The following GMDS variants were observed in gnomAD, a reference collection of about 807,000 sequenced individuals.
GMDS encodes GDP-mannose 4,6-dehydratase, also known as GDP-mannose 4,6 dehydratase.
A neutral mutation model predicts 49.9 loss-of-function variants in GMDS; 20 were observed. The ratio of observed to expected loss-of-function variants is 0.40; its 90% confidence interval spans 0.28 to 0.58. The LOEUF is 0.58. Ranked by LOEUF, GMDS falls within the 20% of genes least tolerant of loss-of-function variation. The pLI, the probability that GMDS is intolerant of heterozygous loss-of-function variation, is 0.42. For missense variants in GMDS, 362 were observed against 481.4 expected, an observed-to-expected ratio of 0.75 and a Z score of 2.32; for synonymous variants, 177 against 178.6, an observed-to-expected ratio of 0.99 and a Z score of 0.07.
intron 4 of GMDS, among the ~76,000 whole-genome samples, chr6:2,100,188 G>T (rs1409416878): frequency 6.6e-6 from 1 of 151,998 alleles, no homozygotes; most frequent in African/African-American, 2.4e-5. Context: ...TTAGAATTTA[G>T]AAGGTTTTAT....
intron 1 of GMDS, among the ~76,000 whole-genome samples, chr6:2,243,543 G>A (rs1394081320): frequency 1.3e-5 from 2 of 152,132 alleles, no homozygotes; most frequent in Non-Finnish European, 1.5e-5. Context: ...ATGGAAAAAA[G>A]GGAATCATCT....
chr6:1,793,945 G>A (rs1216802031), intron 7 of GMDS, among the ~76,000 whole-genome samples: 1 of 152,202 alleles, frequency 6.6e-6, no homozygotes, highest in Non-Finnish European at 1.5e-5. Context: ...AATAATGGTA[G>A]AAGTGGAATG....
At chr6:2,138,775 T>C (rs1776135993) in intron 1 of GMDS, among the ~76,000 whole-genome samples, 1 of 152,240 alleles carries the variant, frequency 6.6e-6, no homozygotes, top group African/African-American at 2.4e-5. Context: ...CAATTCTTCA[T>C]TGACCTTTGA....
chr6:1,949,630 T>C (rs138729907), intron 6 of GMDS, among the ~76,000 whole-genome samples: 86 of 152,276 alleles, frequency 5.6e-4, no homozygotes, highest in Non-Finnish European at 9.9e-4. Flanking sequence ...AAGAATAACA[T>C]GGGCCAGACA....
At position 2,170,426 on chromosome 6, in the gene GMDS, G is replaced by T. The variant is rs550028889; in HGVS notation, c.103-45695C>A. On this transcript the variant is annotated intron_variant, in intron 1 of 10. Coordinates refer to ENST00000380815, the MANE Select transcript of GMDS (RefSeq NM_001500.4). The stretch of plus-strand genomic sequence containing the variant: ...GGATATCTTGAGGCCAGGAGTTCGA[G>T]ACCAGCCTGAGCAACACAGCAAGAC... 2.4e-3 allele frequency among the ~76,000 whole-genome samples: 365 copies of T among 152,088 alleles called. 2 individuals carry two copies. The highest frequency in any genetic ancestry group is 8.4e-3 in the African/African-American group (350 of 41,496).
At chr6:1,709,608 C>T (rs1765876227) in intron 9 of GMDS, among the ~76,000 whole-genome samples, 1 of 152,190 alleles carries the variant, frequency 6.6e-6, no homozygotes. Context: ...CTGATTGTCA[C>T]AGATGGAAGG....
intron 9 of GMDS, among the ~76,000 whole-genome samples, chr6:1,672,304 G>A (rs1414558249): frequency 6.6e-6 from 1 of 152,208 alleles, no homozygotes; most frequent in Non-Finnish European, 1.5e-5. Context: ...TGGAGTGGAA[G>A]AACAGGGAAG....
chr6:1,966,241 CT>C (rs1764250183), intron 4 of GMDS, among the ~76,000 whole-genome samples: 1 of 152,062 alleles, frequency 6.6e-6, no homozygotes, highest in African/African-American at 2.4e-5. Context: ...TCTCTATCTT[CT>C]CAATACTATG....
chr6:1,633,773 A>G (rs1210496763), intron 9 of GMDS, among the ~76,000 whole-genome samples: 1 of 152,150 alleles, frequency 6.6e-6, no homozygotes, highest in Non-Finnish European at 1.5e-5. Flanking sequence ...GCTGGGAGGG[A>G]CACAGAGGCA....
intron 9 of GMDS, among the ~76,000 whole-genome samples, chr6:1,644,750 C>T (rs1257141635): frequency 6.6e-6 from 1 of 152,142 alleles, no homozygotes; most frequent in Non-Finnish European, 1.5e-5. Context: ...ACCCCCACTG[C>T]CGTTTCTTGC....
intron 7 of GMDS, among the ~76,000 whole-genome samples, chr6:1,929,550 A>T (rs1762185566): frequency 6.6e-6 from 1 of 152,258 alleles, no homozygotes; most frequent in African/African-American, 2.4e-5. Flanking sequence ...TCACAATAGA[A>T]TCATTATTAA....
intron 7 of GMDS, among the ~76,000 whole-genome samples, chr6:1,783,529 G>A (rs150309065): frequency 1.3e-3 from 193 of 152,290 alleles, no homozygotes; most frequent in Non-Finnish European, 2.1e-3. Context: ...CCAAATGGAG[G>A]AGCACGATTC....
chr6:2,034,687 G>C (rs1236341848), intron 4 of GMDS, among the ~76,000 whole-genome samples: 1 of 152,202 alleles, frequency 6.6e-6, no homozygotes, highest in African/African-American at 2.4e-5. Context: ...AGTCCAGAGA[G>C]TGTCCAAGAC....
chr6:1,688,380 G>A (rs938344403), intron 9 of GMDS, among the ~76,000 whole-genome samples: 2 of 152,216 alleles, frequency 1.3e-5, no homozygotes, highest in African/African-American at 4.8e-5. Context: ...CTATGGTCAC[G>A]CACGTGGAGC....
In GMDS at chr6:2,095,668, TAGAC is replaced by T. The variant is rs200653167; in HGVS notation, c.345+20099_345+20102del. Among the ~76,000 whole-genome samples the T allele has an allele frequency of 5.1e-3, 770 of 152,346 alleles. 19 individuals are homozygous for T. The East Asian group carries it at 0.065, about 13-fold the overall frequency. ...TCTTGCAAATGTGATGTAGATTTCA[TAGAC>T]AGAGCACTTTATTTTTAATCTCTCT... is the stretch of plus-strand genomic sequence containing the variant. On this transcript the variant is annotated intron_variant, in intron 4 of 10. Transcript: ENST00000380815.
chr6:1,655,476 TACACACACAC>T (rs751129753), intron 9 of GMDS, among the ~76,000 whole-genome samples: 1 of 81,086 alleles, frequency 1.2e-5, no homozygotes, highest in South Asian at 3.7e-4. Context: ...TTGAAAGCCT[TACACACACAC>T]ACACACACAT....
chr6:2,043,790 A>G (rs1428230799), intron 4 of GMDS, among the ~76,000 whole-genome samples: 6 of 151,866 alleles, frequency 4.0e-5, no homozygotes, highest in Non-Finnish European at 8.8e-5. Flanking sequence ...GATGGGAGAA[A>G]GTTTTTGCAA....
chr6:1,867,953 G>C (rs1350316949), intron 7 of GMDS, among the ~76,000 whole-genome samples: 3 of 151,954 alleles, frequency 2.0e-5, no homozygotes, highest in Non-Finnish European at 4.4e-5. Flanking sequence ...CCTAGGAAGG[G>C]AGGCTCCTAA....
chr6:1,868,080 G>A (rs890288363), intron 7 of GMDS, among the ~76,000 whole-genome samples: 20 of 151,850 alleles, frequency 1.3e-4, no homozygotes, highest in Admixed American at 3.9e-4. Context: ...TCTGCTTCCC[G>A]GGTTCAAGCT....
Sources: gnomAD v4.1 joint callset for allele counts (sites outside exome capture counted in the v4.1 genomes callset) on GRCh38, gnomAD v4.1.1 for gene constraint, MANE v1.5 for transcripts, NCBI Gene and HGNC (gene_info 2026-07-23, HGNC 2026-07-21) for gene names.